NEB: variants seen among roughly 807,000 people sequenced by gnomAD.
The protein encoded by NEB is nebulin.
A neutral mutation model predicts 952.2 loss-of-function variants in NEB; 512 were observed. The observed-to-expected ratio is 0.54, with a 90% confidence interval of 0.50 to 0.58. The LOEUF is 0.58. NEB is among the 20% of genes least tolerant of loss of function. The probability of loss-of-function intolerance (pLI) is 0.00; values close to 1 mark genes in which losing one functional copy is unlikely to be tolerated. For missense variants in NEB, 8,428 were observed against 9,231.1 expected, an observed-to-expected ratio of 0.91 and a Z score of 3.56; for synonymous variants, 2,900 against 3,149.8, an observed-to-expected ratio of 0.92 and a Z score of 2.66.
chr2:151,544,831 C>T (rs778170449), intron 135 of NEB, among the ~76,000 whole-genome samples: 7 of 152,226 alleles, frequency 4.6e-5, no homozygotes, highest in Non-Finnish European at 8.8e-5. Flanking sequence ...AGCCAATGCT[C>T]AGCTGGGTGA....
intron 9 of NEB, among the ~76,000 whole-genome samples, chr2:151,720,737 T>A (rs534774975): frequency 1.9e-4 from 29 of 152,338 alleles, no homozygotes; most frequent in Admixed American, 5.9e-4. Context: ...AACTTCGCTG[T>A]TTGTTCCCTC....
chr2:151,538,060 G>A, intron 139 of NEB, 80 bp downstream of exon 139: 1 of 1,502,294 alleles, frequency 6.7e-7, no homozygotes, highest in Admixed American at 1.7e-5. Context: ...TTTCAGAAGA[G>A]GGAGGTTGCT....
In NEB at chr2:151,605,587, C is replaced by T. The variant is rs71415160; in HGVS notation, c.12748-716G>A. Among the ~76,000 whole-genome samples the T allele has an allele frequency of 6.3e-4, 79 of 126,242 alleles. 4 individuals carry two copies. The highest frequency in any genetic ancestry group is 1.4e-3 in the African/African-American group (55 of 39,462). 82.8% of individuals were successfully genotyped at this position (126,242 alleles called of 152,430 possible). A position where few individuals can be genotyped will look rare whatever the true frequency, so the allele number is the denominator to read the frequency against. On this transcript the variant is annotated intron_variant, in intron 84 of 181. Transcript: ENST00000397345. ...TTTCTGTTTCTTTCCTATGTTTGGA[C>T]AACATAGGCAAGTTTGAACAAAGAG...
Position 151,666,261 on chromosome 2 carries a change from G to A in NEB, c.4860C>T (p.Ala1620=). 6.2e-7 allele frequency: 1 copy of A among 1,613,934 alleles called. No individual in the cohort carries two copies. The highest frequency in any genetic ancestry group is 1.1e-5 in the South Asian group (1 of 91,076). Residue 1620 remains alanine (A), a synonymous_variant, in exon 41 of 182, where the codon GCC becomes GCT. Coordinates refer to ENST00000397345, the MANE Select transcript of NEB (RefSeq NM_001164508.2). ...SDREYKKGYE[A]SKTKYHTPLD... ...GAGGTGTGTGGTACTTGGTCTTGCT[G>A]GCTTCATAGCCCTTTTTGTACTCAC... is the stretch of plus-strand genomic sequence containing the variant.
In NEB at chr2:151,718,552, C is replaced by T. The variant is rs575057605; in HGVS notation, c.718-1032G>A. 6.6e-5 allele frequency among the ~76,000 whole-genome samples: 10 copies of T among 152,266 alleles called. No individual in the cohort carries two copies. The South Asian group carries it at 1.0e-3, about 16-fold the overall frequency. ...TCCTCTTTCATAGAGTGAAGAAACG[C>T]TACACACTTATCTTCTCCATATTCA... On this transcript the variant is annotated intron_variant, in intron 9 of 181. Transcript: ENST00000397345.
chr2:151,680,697 A>T lies in NEB; in HGVS notation c.3042+33T>A, dbSNP rs778500633. The T allele has an allele frequency of 2.8e-6, 4 of 1,412,176 alleles. No homozygotes were observed. In the African/African-American group the frequency reaches 5.7e-5, roughly 20 times the overall value. The allele number at this position is 1,412,176 out of a possible 1,614,324, so 87.5% of individuals were successfully genotyped here. On this transcript the variant is annotated intron_variant, in intron 30 of 181. Coordinates refer to ENST00000397345, the MANE Select transcript of NEB (RefSeq NM_001164508.2). ...TACAAATGTATTTGTATTAGTTAAC[A>T]TCTATTAACATATAGATAGCATTAA...
Position 151,656,375 on chromosome 2 carries a change from C to G in NEB, c.6273G>C (p.Met2091Ile). ...LEDDPKLVHS[M>I]QVAKMQSDRE... ...GATCAGATTGCATCTTAGCCACTTG[C>G]ATGGAATGGACTAATTTGGGATCAT... The change falls in exon 49 of 182, where the codon ATG becomes ATC. Residue 2091 changes from methionine to isoleucine, a missense_variant. Coordinates refer to ENST00000397345, the MANE Select transcript of NEB (RefSeq NM_001164508.2). 1 of 1,613,638 alleles carries G rather than the reference C, an allele frequency of 6.2e-7. No homozygotes were observed. Among genetic ancestry groups the G allele is most frequent in the Middle Eastern group, 1.7e-4 (1 of 6,060 alleles).
chr2:151,576,785 T>G (rs979117487), intron 105 of NEB, among the ~76,000 whole-genome samples: 2 of 151,974 alleles, frequency 1.3e-5, no homozygotes, highest in African/African-American at 4.8e-5. Context: ...TCCACCCACC[T>G]TGGCCTCCCA....
intron 145 of NEB, 143 bp downstream of exon 145, chr2:151,530,851 G>T: frequency 1.7e-6 from 1 of 599,398 alleles, no homozygotes; most frequent in Non-Finnish European, 3.0e-6. Context: ...ACCGAATCAT[G>T]AGCAAAAGAG....
Position 151,527,010 on chromosome 2 carries a change from G to T in NEB, c.21853C>A (p.Leu7285Met). The T allele has an allele frequency of 6.3e-7, 1 of 1,593,944 alleles. No homozygotes were observed. Among genetic ancestry groups the T allele is most frequent in the Non-Finnish European group, 8.6e-7 (1 of 1,168,162 alleles). The change falls in exon 148 of 182, where the codon CTG becomes ATG. Residue 7285 changes from leucine (L) to methionine (M), a missense_variant. Leu to Met is a conservative substitution (Grantham distance 15). Around this residue, in one of 11 missense-constraint regions of NEB, gnomAD observed 3,374 missense variants for 3,651.5 expected, o/e 0.92. Coordinates refer to ENST00000397345, the MANE Select transcript of NEB (RefSeq NM_001164508.2). ...SLQQSDFEYK[L>M]DREFLKGCKL... Reference sequence around the variant, plus strand: ...CAACCCTTGAGGAACTCCCGGTCCAGCTTATATTCAAACTGTGATAGAAGA... The same window carrying T: ...CAACCCTTGAGGAACTCCCGGTCCATCTTATATTCAAACTGTGATAGAAGA...
Position 151,625,649 on chromosome 2 carries a change from TA to T in NEB, c.10348-12del. 1.3e-6 allele frequency: 2 copies of T among 1,485,608 alleles called. No individual in the cohort carries two copies. Among genetic ancestry groups the T allele is most frequent in the South Asian group, 1.3e-5 (1 of 77,682 alleles). 92.0% of individuals were successfully genotyped at this position (1,485,608 alleles called of 1,614,324 possible). Reference sequence around the variant, plus strand: ...TTCTGTGTATAAGCGCTGTGAAGGATAAAAAGGTTAATGAATTAGAAAAACA... The same window carrying T: ...TTCTGTGTATAAGCGCTGTGAAGGATAAAAGGTTAATGAATTAGAAAAACA... On this transcript the variant is annotated splice_polypyrimidine_tract_variant and intron_variant, in intron 70 of 181. Coordinates refer to ENST00000397345, the MANE Select transcript of NEB (RefSeq NM_001164508.2).
At position 151,540,766 on chromosome 2, in the gene NEB, G is replaced by C; in HGVS notation, c.20718C>G (p.Pro6906=). Residue 6906 remains proline (P), a synonymous_variant, in exon 137 of 182, where the codon CCC becomes CCG. Coordinates refer to ENST00000397345, the MANE Select transcript of NEB (RefSeq NM_001164508.2). Reference sequence around the variant, plus strand: ...TGGTCTGGTTTCCAGCGTGATGATGGGGTCTCTCTTTGGTGGCAAGTTCAA... The same window carrying C: ...TGGTCTGGTTTCCAGCGTGATGATGCGGTCTCTCTTTGGTGGCAAGTTCAA... ...LYVELATKER[P]HHHAGNQTTA... 2.5e-6 allele frequency: 4 copies of C among 1,613,526 alleles called. No homozygotes were observed. Among genetic ancestry groups the C allele is most frequent in the Non-Finnish European group, 2.5e-6 (3 of 1,179,610 alleles).
At chr2:151,640,222 A>G in intron 61 of NEB, 133 bp downstream of exon 61, 2 of 1,478,524 alleles carry the variant, frequency 1.4e-6, no homozygotes, top group Admixed American at 2.0e-5. Flanking sequence ...AAGGATTAAA[A>G]TTCCTGTCGA....
chr2:151,730,560 T>A (rs905008740), intron 3 of NEB, among the ~76,000 whole-genome samples: 1 of 149,856 alleles, frequency 6.7e-6, no homozygotes, highest in Non-Finnish European at 1.5e-5. Context: ...GAGGCTCGTT[T>A]AGGCCAAGCA....
At chr2:151,713,910 A>C (rs1232444897) in intron 10 of NEB, among the ~76,000 whole-genome samples, 1 of 152,226 alleles carries the variant, frequency 6.6e-6, no homozygotes, top group African/African-American at 2.4e-5. Context: ...GCAGATATGC[A>C]ATCATTACCA....
chr2:151,501,536 T>C, intron 167 of NEB, 53 bp from the exon 168 acceptor site: 3 of 1,069,276 alleles, frequency 2.8e-6, no homozygotes, highest in Non-Finnish European at 3.8e-6. Flanking sequence ...ATTTTTTAGG[T>C]AGACTTAACC....
chr2:151,720,521 A>G (rs967451328), intron 9 of NEB, among the ~76,000 whole-genome samples: 3 of 152,218 alleles, frequency 2.0e-5, no homozygotes, highest in African/African-American at 7.2e-5. Context: ...TTACTTCATT[A>G]TTGTATGTTC....
chr2:151,573,979 T>G (rs2153794685), intron 107 of NEB, among the ~76,000 whole-genome samples: 1 of 152,266 alleles, frequency 6.6e-6, no homozygotes, highest in African/African-American at 2.4e-5. Flanking sequence ...TTTTGTTTGT[T>G]TGTTTGTTTT....
intron 10 of NEB, 91 bp from the exon 11 acceptor site, chr2:151,710,629 AT>A: frequency 1.3e-6 from 1 of 782,364 alleles, no homozygotes; most frequent in Non-Finnish European, 2.0e-6. Context: ...ACTTTTAAAA[AT>A]ATCTTCAGCA....
Sources: gnomAD v4.1 joint callset for allele counts (sites outside exome capture counted in the v4.1 genomes callset) on GRCh38, gnomAD v4.1.1 for gene constraint, gnomAD v4.1.1 regional missense constraint, MANE v1.5 for transcripts, NCBI Gene and HGNC (gene_info 2026-07-23, HGNC 2026-07-21) for gene names.